The following KCNAB1 variants were observed in gnomAD, a reference collection of about 807,000 sequenced individuals.
The protein encoded by KCNAB1 is potassium voltage-gated channel subfamily A regulatory beta subunit 1, also known as voltage-gated potassium channel subunit beta-1.
KCNAB1 carries 35 observed loss-of-function variants against 64.6 expected under a neutral mutation model. The ratio of observed to expected loss-of-function variants is 0.54; its 90% CI spans 0.41 to 0.72. The LOEUF (loss-of-function observed/expected upper bound fraction) is 0.72, where lower values mean the gene tolerates loss of function less well. Among genes scored for constraint, KCNAB1 ranks in the 30% least tolerant of loss-of-function variants. The pLI is 0.00. For synonymous variants in KCNAB1, 177 were observed against 183.8 expected (o/e 0.96, Z 0.30); for missense variants, 401 against 512.9 (o/e 0.78, Z 2.11).
At chr3:156,325,800 A>T (rs898550578) in intron 1 of KCNAB1, among the ~76,000 whole-genome samples, 4 of 152,246 alleles carry the variant, frequency 2.6e-5, no homozygotes, top group African/African-American at 4.8e-5. Context: ...CAAAATGGAA[A>T]AAAATAAAAT....
chr3:156,437,891 T>C (rs1716696476), intron 2 of KCNAB1, among the ~76,000 whole-genome samples: 1 of 152,178 alleles, frequency 6.6e-6, no homozygotes, highest in Non-Finnish European at 1.5e-5. Flanking sequence ...TCTCTTCCTG[T>C]CACTCCAAGG....
At chr3:156,278,069 A>C (rs948524663) in intron 1 of KCNAB1, among the ~76,000 whole-genome samples, 3 of 152,170 alleles carry the variant, frequency 2.0e-5, no homozygotes, top group Admixed American at 6.5e-5. Context: ...ATTTCATAGG[A>C]TCTTGGATCT....
At chr3:156,169,231 T>A (rs1199039272) in intron 1 of KCNAB1, among the ~76,000 whole-genome samples, 1 of 152,226 alleles carries the variant, frequency 6.6e-6, no homozygotes, top group African/African-American at 2.4e-5. Flanking sequence ...AAATGACGAA[T>A]AAAGCTCATT....
intron 1 of KCNAB1, among the ~76,000 whole-genome samples, chr3:156,333,039 G>A (rs1198062731): frequency 6.6e-6 from 1 of 152,094 alleles, no homozygotes; most frequent in Admixed American, 6.6e-5. Context: ...AGATAAAATG[G>A]GAATGGAGTG....
chr3:156,137,352 C>T (rs1187427307), intron 1 of KCNAB1, among the ~76,000 whole-genome samples: 1 of 152,010 alleles, frequency 6.6e-6, no homozygotes, highest in Non-Finnish European at 1.5e-5. Context: ...AAGGCTGGCT[C>T]AACAGGGGCT....
chr3:156,256,948 G>A (rs1718133206), intron 1 of KCNAB1, among the ~76,000 whole-genome samples: 1 of 152,190 alleles, frequency 6.6e-6, no homozygotes, highest in Non-Finnish European at 1.5e-5. Flanking sequence ...CGGCCACAGA[G>A]CTCTCTATGT....
intron 1 of KCNAB1, among the ~76,000 whole-genome samples, chr3:156,311,028 G>A (rs1721864040): frequency 6.6e-6 from 1 of 152,172 alleles, no homozygotes; most frequent in Non-Finnish European, 1.5e-5. Flanking sequence ...GCAGGTGCAA[G>A]TGAAAGAGGA....
chr3:156,126,241 AAGAGG>A (rs1253216193), intron 1 of KCNAB1, among the ~76,000 whole-genome samples: 2 of 152,146 alleles, frequency 1.3e-5, no homozygotes, highest in Non-Finnish European at 2.9e-5. Flanking sequence ...CCAGGAGAAC[AAGAGG>A]AGAGGAGGCC....
intron 1 of KCNAB1, among the ~76,000 whole-genome samples, chr3:156,330,040 A>G (rs1349243877): frequency 6.6e-6 from 1 of 152,182 alleles, no homozygotes; most frequent in African/African-American, 2.4e-5. Flanking sequence ...ATTTCCCGAA[A>G]TAGAATTAAA....
At chr3:156,424,447 T>C (rs1715683234) in intron 2 of KCNAB1, among the ~76,000 whole-genome samples, 1 of 152,196 alleles carries the variant, frequency 6.6e-6, no homozygotes, top group Admixed American at 6.5e-5. Context: ...ATATTGTTAC[T>C]ATTTACTCAT....
chr3:156,156,136 C>T (rs1423657180), intron 1 of KCNAB1, among the ~76,000 whole-genome samples: 18 of 152,150 alleles, frequency 1.2e-4, no homozygotes, highest in Admixed American at 1.1e-3. Flanking sequence ...TAGACTATCT[C>T]GTAGGGCCTT....
At chr3:156,265,139 A>G (rs985685773) in intron 1 of KCNAB1, among the ~76,000 whole-genome samples, 3 of 152,208 alleles carry the variant, frequency 2.0e-5, no homozygotes, top group South Asian at 2.1e-4. Context: ...TGACTTCCAG[A>G]TTTTAATGTC....
chr3:156,417,384 C>T (rs570219620), intron 1 of KCNAB1, among the ~76,000 whole-genome samples: 7 of 152,198 alleles, frequency 4.6e-5, no homozygotes, highest in Non-Finnish European at 1.0e-4. Flanking sequence ...GCCAGCCTGA[C>T]ACAGCTGCTG....
chr3:156,297,493 T>A (rs1197633854), intron 1 of KCNAB1, among the ~76,000 whole-genome samples: 1 of 151,792 alleles, frequency 6.6e-6, no homozygotes, highest in East Asian at 1.9e-4. Flanking sequence ...AAAAAAAAAA[T>A]TAAGAGTTGT....
intron 1 of KCNAB1, among the ~76,000 whole-genome samples, chr3:156,407,484 G>A (rs1553742569): frequency 6.6e-6 from 1 of 152,192 alleles, no homozygotes; most frequent in Non-Finnish European, 1.5e-5. Flanking sequence ...CATGAGTCAG[G>A]AACTTGGCCT....
At chr3:156,217,905 A>T (rs994636935) in intron 1 of KCNAB1, 1 of 152,214 alleles carries the variant, frequency 6.6e-6, no homozygotes, top group Non-Finnish European at 1.5e-5. Context: ...TGTAGCTCCC[A>T]CTCTGATGGA....
Position 156,474,839 on chromosome 3 carries a change from T to G in KCNAB1, c.658+19T>G. On this transcript the variant is annotated intron_variant, in intron 8 of 13. Coordinates refer to ENST00000490337, the MANE Select transcript of KCNAB1 (RefSeq NM_172160.3). The stretch of plus-strand genomic sequence containing the variant: ...ATGGAAGGTAAGTTAAGAAAGCTAA[T>G]AAAATACTCTAGAAATCTTGATTCA... The G allele has an allele frequency of 6.4e-7, 1 of 1,565,466 alleles. No homozygotes were observed. The highest frequency in any genetic ancestry group is 8.8e-7 in the Non-Finnish European group (1 of 1,136,268).
intron 1 of KCNAB1, among the ~76,000 whole-genome samples, chr3:156,253,353 G>C (rs1717939285): frequency 6.6e-6 from 1 of 152,180 alleles, no homozygotes; most frequent in Non-Finnish European, 1.5e-5. Flanking sequence ...CTCCCCACAA[G>C]GTCCTTTGGG....
chr3:156,298,873 C>CT (rs1053042108), intron 1 of KCNAB1, among the ~76,000 whole-genome samples: 2 of 152,108 alleles, frequency 1.3e-5, no homozygotes, highest in Non-Finnish European at 2.9e-5. Context: ...CAGTTTTTCA[C>CT]TTTTTTAAGA....
Sources: allele counts gnomAD v4.1 joint callset (sites outside exome capture counted in the v4.1 genomes callset), GRCh38; gene constraint gnomAD v4.1.1; transcripts MANE v1.5; gene names NCBI Gene and HGNC (gene_info 2026-07-23, HGNC 2026-07-21).